The following SMYD1 variants were observed in gnomAD, a reference collection of about 807,000 sequenced individuals.
SMYD1 encodes the protein histone-lysine N-methyltransferase SMYD1.
A neutral mutation model predicts 54.0 loss-of-function variants in SMYD1; 49 were observed. That is an observed-to-expected ratio of 0.91 (90% confidence interval 0.72 to 1.15). The LOEUF (loss-of-function observed/expected upper bound fraction) is 1.15. SMYD1 is among the 50% of genes most tolerant of loss of function. The pLI, the probability that SMYD1 is intolerant of heterozygous loss-of-function variation, is 0.00. For synonymous variants in SMYD1, 269 were observed against 234.2 expected (o/e 1.15, Z -1.36); for missense variants, 653 against 639.6 (o/e 1.02, Z -0.23).
Position 88,096,726 on chromosome 2 carries a change from A to G in SMYD1, c.830A>G (p.Glu277Gly), listed in dbSNP as rs1321308637. The change falls in exon 6 of 10, where the codon GAA becomes GGA. Residue 277 changes from glutamate to glycine, a missense_variant. Physicochemically the swap from Glu to Gly is moderately conservative, Grantham distance 98. Transcript: ENST00000419482. Reference sequence around the variant, plus strand: ...CAGTACTACTTTGACTGCACATGTGAACACTGCCAGAAAAAACTGAAGGAT... The same window carrying G: ...CAGTACTACTTTGACTGCACATGTGGACACTGCCAGAAAAAACTGAAGGAT... ...KKQYYFDCTC[E>G]HCQKKLKDDL... The G allele has an allele frequency of 3.7e-6, 6 of 1,614,088 alleles. No homozygotes were observed. In the South Asian group the frequency reaches 6.6e-5, roughly 18 times the overall value.
chr2:88,086,997 A>C (rs1465284973), intron 2 of SMYD1, among the ~76,000 whole-genome samples: 10 of 66,296 alleles, frequency 1.5e-4, no homozygotes, highest in African/African-American at 5.0e-4. Flanking sequence ...CCCCCACCCC[A>C]CCACAGTCCC....
At chr2:88,084,553 A>G in intron 2 of SMYD1, 61 bp downstream of exon 2, 1 of 1,481,550 alleles carries the variant, frequency 6.7e-7, no homozygotes, top group Non-Finnish European at 9.2e-7. Flanking sequence ...GAATGGTGGC[A>G]GTAACAACAT....
chr2:88,094,592 A>G (rs1674535081), intron 5 of SMYD1, among the ~76,000 whole-genome samples: 1 of 152,212 alleles, frequency 6.6e-6, no homozygotes, highest in African/African-American at 2.4e-5. Flanking sequence ...CAAGTAAGGT[A>G]AAATCAGGCA....
intron 1 of SMYD1, among the ~76,000 whole-genome samples, chr2:88,068,569 A>T (rs1031998338): frequency 6.7e-6 from 1 of 150,040 alleles, no homozygotes; most frequent in Admixed American, 6.6e-5. Flanking sequence ...TATTACATAC[A>T]TATATCTGCA....
intron 6 of SMYD1, among the ~76,000 whole-genome samples, chr2:88,102,363 G>A (rs545500823): frequency 9.2e-4 from 92 of 99,966 alleles, no homozygotes; most frequent in African/African-American, 3.6e-3. Flanking sequence ...ACCTTGTTTT[G>A]TTTTGTTTTT....
rs112247076 is a variant in SMYD1 at position 88,101,099 on chromosome 2, C to T, written c.889-1959C>T. On this transcript the variant is annotated intron_variant, in intron 6 of 9. Transcript: ENST00000419482. ...TCCTGGCCAGAGGACTCTCATACTG[C>T]GAGATGAAAACCCATGGCAGAACTG... Among the ~76,000 whole-genome samples the T allele has an allele frequency of 6.3e-3, 958 of 152,222 alleles. 14 individuals carry two copies. Among genetic ancestry groups the T allele is most frequent in the African/African-American group, 0.022 (927 of 41,534 alleles).
intron 1 of SMYD1, among the ~76,000 whole-genome samples, chr2:88,081,126 C>T (rs1025471260): frequency 1.3e-5 from 2 of 152,140 alleles, no homozygotes; most frequent in South Asian, 4.1e-4. Flanking sequence ...TAGTCTTGAA[C>T]TCCTGACCTC....
At position 88,099,722 on chromosome 2, in the gene SMYD1, C is replaced by CA. The variant is rs571904782; in HGVS notation, c.888+2949dup. On this transcript the variant is annotated intron_variant, in intron 6 of 9. Coordinates refer to ENST00000419482, the MANE Select transcript of SMYD1 (RefSeq NM_198274.4). ...TGGGCGACAGAGCGAGATTCCATCT[C>CA]AAAAAAAAAAAGAAGAAGAAAAGAA... Among the ~76,000 whole-genome samples the CA allele has an allele frequency of 3.8e-3, 519 of 135,366 alleles. 6 individuals carry two copies. The highest frequency in any genetic ancestry group is 0.011 in the African/African-American group (416 of 36,900). 88.8% of individuals were successfully genotyped at this position (135,366 alleles called of 152,430 possible).
chr2:88,104,181 T>C (rs765265241), intron 7 of SMYD1, among the ~76,000 whole-genome samples: 10 of 152,260 alleles, frequency 6.6e-5, no homozygotes, highest in Non-Finnish European at 1.3e-4. Context: ...TTAGCCAGGA[T>C]GGTCTCGATT....
Position 88,110,401 on chromosome 2 carries a change from C to G in SMYD1, c.1362C>G (p.Asn454Lys), listed in dbSNP as rs747401573. The change falls in exon 10 of 10, where the codon AAC becomes AAG. Residue 454 changes from asparagine (N) to lysine (K), a missense_variant. Asn to Lys is a moderately conservative substitution (Grantham distance 94). Coordinates refer to ENST00000419482, the MANE Select transcript of SMYD1 (RefSeq NM_198274.4). ...TEMELRMFRQ[N>K]EFMYYKMREA... ...TGGAGCTACGCATGTTCCGCCAGAA[C>G]GAATTCATGTACTACAAGATGCGCG... 1.2e-6 allele frequency: 2 copies of G among 1,612,798 alleles called. No homozygotes were observed. The highest frequency in any genetic ancestry group is 1.7e-6 in the Non-Finnish European group (2 of 1,179,466).
intron 4 of SMYD1, among the ~76,000 whole-genome samples, chr2:88,093,211 T>C (rs561187406): frequency 1.3e-5 from 2 of 152,316 alleles, no homozygotes; most frequent in East Asian, 3.9e-4. Context: ...AGCACTCTGC[T>C]TTTAACTGTC....
At chr2:88,071,842 C>G (rs1485839056) in intron 1 of SMYD1, among the ~76,000 whole-genome samples, 1 of 151,936 alleles carries the variant, frequency 6.6e-6, no homozygotes, top group Non-Finnish European at 1.5e-5. Context: ...TGAGAGTTTC[C>G]AGTTCTCAGG....
At chr2:88,077,659 C>T (rs1674097615) in intron 1 of SMYD1, among the ~76,000 whole-genome samples, 1 of 151,016 alleles carries the variant, frequency 6.6e-6, no homozygotes, top group Non-Finnish European at 1.5e-5. Context: ...GGCTTTAGGA[C>T]TTCATGTTAT....
chr2:88,103,317 T>C (rs1188569903), intron 7 of SMYD1, among the ~76,000 whole-genome samples, 167 bp downstream of exon 7: 1 of 152,142 alleles, frequency 6.6e-6, no homozygotes, highest in Non-Finnish European at 1.5e-5. Flanking sequence ...TTCTTGTCCG[T>C]AAATCTTTAG....
intron 1 of SMYD1, among the ~76,000 whole-genome samples, chr2:88,072,291 C>T (rs754578818): frequency 1.3e-5 from 2 of 152,142 alleles, no homozygotes; most frequent in Non-Finnish European, 2.9e-5. Context: ...GCTGGGACTA[C>T]AGGTGCATGC....
At chr2:88,099,941 C>A (rs75890596) in intron 6 of SMYD1, among the ~76,000 whole-genome samples, 30,041 of 146,246 alleles carry the variant, frequency 0.21, 3,140 homozygotes, top group Middle Eastern at 0.25. Flanking sequence ...TCCTCTGGCC[C>A]CTTTCCTTAT....
At chr2:88,099,867 C>T (rs1406022247) in intron 6 of SMYD1, among the ~76,000 whole-genome samples, 6 of 151,814 alleles carry the variant, frequency 4.0e-5, no homozygotes, top group African/African-American at 2.4e-5. Context: ...TGGCTCCTCC[C>T]GCGTTCATCT....
intron 6 of SMYD1, among the ~76,000 whole-genome samples, chr2:88,101,384 G>C (rs914098708): frequency 1.3e-5 from 2 of 152,170 alleles, no homozygotes; most frequent in African/African-American, 4.8e-5. Context: ...TGATGATATA[G>C]ATAGTTTTAT....
intron 7 of SMYD1, among the ~76,000 whole-genome samples, chr2:88,104,175 C>T (rs1464471880): frequency 2.0e-5 from 3 of 152,100 alleles, no homozygotes; most frequent in East Asian, 1.9e-4. Context: ...ACCATGTTAG[C>T]CAGGATGGTC....
Sources: allele counts gnomAD v4.1 joint callset (sites outside exome capture counted in the v4.1 genomes callset), GRCh38; gene constraint gnomAD v4.1.1; transcripts MANE v1.5; gene names NCBI Gene and HGNC (gene_info 2026-07-23, HGNC 2026-07-21).